The following LRP3 variants were observed in gnomAD, a reference collection of about 807,000 sequenced individuals.
The protein encoded by LRP3 is low-density lipoprotein receptor-related protein 3.
LRP3 carries 49 observed loss-of-function variants against 58.5 expected under a neutral mutation model. The ratio of observed to expected loss-of-function variants is 0.84; its 90% confidence interval spans 0.67 to 1.06. LRP3 has a LOEUF of 1.06. Among genes scored for constraint, LRP3 ranks in the 50% least tolerant of loss-of-function variants. The pLI is 0.00. For synonymous variants in LRP3, 485 were observed against 492.2 expected, an observed-to-expected ratio of 0.99 and a Z score of 0.20; for missense variants, 1,019 against 1,134.2, an observed-to-expected ratio of 0.90 and a Z score of 1.46.
At chr19:33,199,800 T>TGA (rs772133993) in intron 2 of LRP3, among the ~76,000 whole-genome samples, 15 of 152,106 alleles carry the variant, frequency 9.9e-5, no homozygotes, top group Non-Finnish European at 1.5e-4. Flanking sequence ...GGGTCAGACA[T>TGA]AGGTCTATGA....
At chr19:33,197,669 G>A (rs555562789) in intron 2 of LRP3, among the ~76,000 whole-genome samples, 29 of 152,280 alleles carry the variant, frequency 1.9e-4, no homozygotes, top group African/African-American at 6.7e-4. Flanking sequence ...CAGCCCGGGA[G>A]AACAATGGGG....
At chr19:33,196,669 GC>G (rs1974288727) in intron 1 of LRP3, 60 bp from the exon 2 acceptor site, 1 of 1,483,584 alleles carries the variant, frequency 6.7e-7, no homozygotes, top group African/African-American at 1.4e-5. Flanking sequence ...TCCCTCATGG[GC>G]TGCTGCTGGT....
Position 33,207,894 on chromosome 19 carries a change from C to G in LRP3, c.*319C>G, listed in dbSNP as rs374069816. Reference sequence around the variant, plus strand: ...GGGGACCAGAGCCTTTTTGCTTCATCTGCCCTGCAGTGGCAACAGCTGCCC... The same window carrying G: ...GGGGACCAGAGCCTTTTTGCTTCATGTGCCCTGCAGTGGCAACAGCTGCCC... On this transcript the variant is annotated 3_prime_UTR_variant, in exon 7 of 7. Transcript: ENST00000253193. 5.6e-4 allele frequency: 238 copies of G among 426,750 alleles called. 6 individuals are homozygous for G. The South Asian group carries it at 6.4e-3, about 12-fold the overall frequency. 26.4% of individuals were successfully genotyped at this position (426,750 alleles called of 1,614,324 possible).
At chr19:33,201,899 A>G (rs1314829234) in intron 2 of LRP3, among the ~76,000 whole-genome samples, 1 of 152,126 alleles carries the variant, frequency 6.6e-6, no homozygotes, top group South Asian at 2.1e-4. Context: ...GATTAAAGCG[A>G]GGCCCATGGG....
In LRP3 at chr19:33,206,897, G is replaced by A. The variant is rs1974420931; in HGVS notation, c.1726-91G>A. 65 of 1,215,496 alleles carry A rather than the reference G, an allele frequency of 5.3e-5. No homozygotes were observed. In the South Asian group the frequency reaches 1.0e-3, roughly 19 times the overall value. The allele number at this position is 1,215,496 out of a possible 1,614,324, so 75.3% of individuals were successfully genotyped here. ...GACAAGGTGGTCTCTCGGGTCTCAG[G>A]TCCCTTGGGGGTGTGCTGTCTCCTG... On this transcript the variant is annotated intron_variant, in intron 6 of 6. Transcript: ENST00000253193.
chr19:33,204,932 A>C, intron 4 of LRP3, 80 bp downstream of exon 4: 2 of 1,350,088 alleles, frequency 1.5e-6, no homozygotes, highest in Non-Finnish European at 1.0e-6. Context: ...CAGGGGCGGC[A>C]CCCTCCACAG....
chr19:33,206,286 C>A lies in LRP3; in HGVS notation c.1516C>A (p.Leu506Met), dbSNP rs769067779. 1.9e-6 allele frequency: 3 copies of A among 1,598,446 alleles called. No homozygotes were observed. Among genetic ancestry groups the A allele is most frequent in the Non-Finnish European group, 2.6e-6 (3 of 1,171,866 alleles). The change falls in exon 5 of 7, where the codon CTG becomes ATG. Residue 506 changes from leucine (L) to methionine (M), a missense_variant. Physicochemically the swap from Leu to Met is conservative, Grantham distance 15. Transcript: ENST00000253193. ...CATCACGGCGGCGCTCATTGGCAGC[C>A]TGGTGTGTGGCCTGCTGCTGGTCAT... ...KVITAALIGS[L>M]VCGLLLVIAL...
intron 2 of LRP3, among the ~76,000 whole-genome samples, chr19:33,199,768 G>T (rs1195102678): frequency 1.3e-5 from 2 of 152,196 alleles, no homozygotes; most frequent in African/African-American, 4.8e-5. Context: ...TGTGGCTGGT[G>T]GCCTCCCAAC....
At position 33,206,325 on chromosome 19, in the gene LRP3, G is replaced by A. The variant is rs776641419; in HGVS notation, c.1555G>A (p.Ala519Thr). 3.8e-6 allele frequency: 6 copies of A among 1,599,870 alleles called. No homozygotes were observed. The highest frequency in any genetic ancestry group is 5.1e-6 in the Non-Finnish European group (6 of 1,173,362). The change falls in exon 5 of 7, where the codon GCC becomes ACC. Residue 519 changes from alanine to threonine, a missense_variant. Around this residue, in one of 2 missense-constraint regions of LRP3, gnomAD observed 427 missense variants for 408.6 expected, o/e 1.04. Coordinates refer to ENST00000253193, the MANE Select transcript of LRP3 (RefSeq NM_002333.4). ...GLLLVIALGC[A>T]FKLYSLRTQE... ...GCTGCTGGTCATCGCGCTGGGCTGC[G>A]CCTTCAAGCTCTACTCACTGCGCAC...
chr19:33,207,785 T>C lies in LRP3; in HGVS notation c.*210T>C. On this transcript the variant is annotated 3_prime_UTR_variant, in exon 7 of 7. Transcript: ENST00000253193. ...AGAAGAGTGGAGTGGTGAGCCCGTC[T>C]GCAGGGTCCCATTGTACACAAGCAC... 1.7e-6 allele frequency: 1 copy of C among 582,810 alleles called. No individual in the cohort carries two copies. The highest frequency in any genetic ancestry group is 3.0e-6 in the Non-Finnish European group (1 of 327,970). The allele number at this position is 582,810 out of a possible 1,614,324, so 36.1% of individuals were successfully genotyped here. A position where few individuals can be genotyped will look rare whatever the true frequency, so the allele number is the denominator to read the frequency against.
chr19:33,205,802 T>C lies in LRP3; in HGVS notation c.1032T>C (p.Thr344=), dbSNP rs2112800. The change falls in exon 5 of 7, where the codon ACT becomes ACC. Residue 344 remains threonine (T), a synonymous_variant. Transcript: ENST00000253193. ...VSLEAAQGRL[T]VAYHARARSA... is the part of the protein sequence containing the mutation. ...TGGAGGCCGCCCAGGGCCGCCTCAC[T>C]GTGGCCTACCACGCGCGCGCCCGCA... The C allele has an allele frequency of 0.8, 1,273,820 of 1,584,784 alleles. 519,085 individuals carry two copies. The highest frequency in any genetic ancestry group is 0.84 in the Non-Finnish European group (977,223 of 1,167,456).
Position 33,205,852 on chromosome 19 carries a change from C to T in LRP3, c.1082C>T (p.Thr361Ile). The change falls in exon 5 of 7, where the codon ACC (threonine) becomes ATC (isoleucine). Residue 361 changes from threonine to isoleucine, a missense_variant. Physicochemically the swap from Thr to Ile is moderately conservative, Grantham distance 89 (BLOSUM62 -1). Coordinates refer to ENST00000253193, the MANE Select transcript of LRP3 (RefSeq NM_002333.4). Reference sequence around the variant, plus strand: ...AGCGCCGGCCACGGCTTCAATGCCACCTACCAGGTGAAGGGCTATTGCCTC... The same window carrying T: ...AGCGCCGGCCACGGCTTCAATGCCATCTACCAGGTGAAGGGCTATTGCCTC... The part of the protein sequence containing the change: ...ARSAGHGFNA[T>I]YQVKGYCLPW... 3 of 1,598,300 alleles carry T rather than the reference C, an allele frequency of 1.9e-6. No individual in the cohort carries two copies. The highest frequency in any genetic ancestry group is 2.6e-6 in the Non-Finnish European group (3 of 1,172,250).
chr19:33,206,157 G>A lies in LRP3; in HGVS notation c.1387G>A (p.Gly463Ser), dbSNP rs546341155. ...FSCQPGTFHC[G>S]TNLCIFETWR... ...CTGCCAGCCCGGCACCTTCCACTGCGGTACCAACCTGTGCATCTTCGAGAC... is the reference window on the plus strand; with the variant it reads ...CTGCCAGCCCGGCACCTTCCACTGCAGTACCAACCTGTGCATCTTCGAGAC... The change falls in exon 5 of 7, where the codon GGT (glycine) becomes AGT (serine). Residue 463 changes from glycine to serine, a missense_variant. Gly to Ser is a moderately conservative substitution (Grantham distance 56). This residue lies in a region of LRP3 where 592 missense variants were observed against 725.5 expected (regional missense o/e 0.82). Coordinates refer to ENST00000253193, the MANE Select transcript of LRP3 (RefSeq NM_002333.4). 24 of 1,601,250 alleles carry A rather than the reference G, an allele frequency of 1.5e-5. 1 individual carries two copies. Among genetic ancestry groups the A allele is most frequent in the South Asian group, 1.1e-4 (10 of 90,708 alleles).
At chr19:33,204,295 G>A (rs921588415) in intron 3 of LRP3, 10 of 298,366 alleles carry the variant, frequency 3.4e-5, no homozygotes, top group African/African-American at 1.1e-4. Flanking sequence ...GGAGGGTGTC[G>A]GGGCAGGGGG....
chr19:33,195,309 C>T (rs1021553302), intron 1 of LRP3, among the ~76,000 whole-genome samples: 4 of 152,200 alleles, frequency 2.6e-5, no homozygotes, highest in African/African-American at 4.8e-5. Context: ...GAGGAGGGTG[C>T]CAGTGTGGAG....
rs1974458786 is a variant in LRP3, at chr19:33,208,614, G to A, written c.*1039G>A. On this transcript the variant is annotated 3_prime_UTR_variant, in exon 7 of 7. Transcript: ENST00000253193. This position sits in a 1 kb window ranked among gnomAD's most constrained non-coding sequence, Gnocchi z 4.7. ...AACATGTGTGCACCCACCGAGGTAC[G>A]CCCCAGCCACTCCCATCTGTGCCCA... 7.9e-6 allele frequency: 4 copies of A among 506,002 alleles called. No individual in the cohort carries two copies. Among genetic ancestry groups the A allele is most frequent in the South Asian group, 4.2e-5 (2 of 47,770 alleles). The allele number at this position is 506,002 out of a possible 1,614,324, so 31.3% of individuals were successfully genotyped here. A position where few individuals can be genotyped will look rare whatever the true frequency, so the allele number is the denominator to read the frequency against.
rs1423415292 is a variant in LRP3, at chr19:33,208,801, G to T, written c.*1226G>T. ...TCGTATCTTTTTTCTTTTTTTTCCA[G>T]AAAAAAACAAAACAAAACTTTTTTG... On this transcript the variant is annotated 3_prime_UTR_variant, in exon 7 of 7. Transcript: ENST00000253193. The surrounding 1 kb of genome is among the most constrained non-coding windows in gnomAD (Gnocchi z 4.7). 1.9e-6 allele frequency: 3 copies of T among 1,565,972 alleles called. No individual in the cohort carries two copies. Among genetic ancestry groups the T allele is most frequent in the African/African-American group, 2.7e-5 (2 of 73,342 alleles).
intron 2 of LRP3, among the ~76,000 whole-genome samples, chr19:33,197,175 G>C (rs897784545): frequency 6.6e-6 from 1 of 152,234 alleles, no homozygotes; most frequent in Non-Finnish European, 1.5e-5. Flanking sequence ...GGGTGACACA[G>C]AGAGGCCCAT....
chr19:33,200,432 T>C (rs190806122), intron 2 of LRP3, among the ~76,000 whole-genome samples: 22 of 152,254 alleles, frequency 1.4e-4, no homozygotes, highest in Admixed American at 7.2e-4. Flanking sequence ...GGTTTTGCCA[T>C]GTTGGTCAGG....
Sources: allele counts gnomAD v4.1 joint callset (sites outside exome capture counted in the v4.1 genomes callset), GRCh38; gene constraint gnomAD v4.1.1; regional missense constraint gnomAD v4.1.1; non-coding constraint Gnocchi (gnomAD v3.1); transcripts MANE v1.5; gene names NCBI Gene and HGNC (gene_info 2026-07-23, HGNC 2026-07-21).